The following ELL variants were observed in gnomAD, a reference collection of about 807,000 sequenced individuals.
The protein encoded by ELL is RNA polymerase II elongation factor ELL.
A neutral mutation model predicts 64.0 loss-of-function variants in ELL; 18 were observed. The ratio of observed to expected loss-of-function variants is 0.28; its 90% CI spans 0.19 to 0.42. The LOEUF is 0.42. ELL is among the 10% of genes least tolerant of loss of function. The pLI is 1.00. For missense variants in ELL, 797 were observed against 870.4 expected (o/e 0.92, Z 1.06); for synonymous variants, 399 against 376.2 (o/e 1.06, Z -0.70).
At chr19:18,463,325 CTTTTTTTTTTTTTT>C (rs34610795) in intron 4 of ELL, among the ~76,000 whole-genome samples, 23 of 73,272 alleles carry the variant, frequency 3.1e-4, no homozygotes, top group African/African-American at 1.8e-3. Context: ...ACATTCACAT[CTTTTTTTTTTTTTT>C]TTTTTTTTTT....
At chr19:18,483,495 C>T (rs1975348897) in intron 1 of ELL, among the ~76,000 whole-genome samples, 1 of 152,168 alleles carries the variant, frequency 6.6e-6, no homozygotes, top group South Asian at 2.1e-4. Context: ...CACGCAAGGA[C>T]TCGTGGTACC....
intron 1 of ELL, among the ~76,000 whole-genome samples, chr19:18,482,026 A>G (rs1228353018): frequency 2.0e-5 from 3 of 152,164 alleles, no homozygotes; most frequent in African/African-American, 7.2e-5. Context: ...TAGTGCTGTC[A>G]GCTTATTTAA....
chr19:18,477,519 G>T lies in ELL; in HGVS notation c.136-4637C>A, dbSNP rs921559727. Among the ~76,000 whole-genome samples, 5 of 152,248 alleles carry T rather than the reference G, an allele frequency of 3.3e-5. No individual in the cohort carries two copies. The East Asian group carries it at 9.7e-4, about 29-fold the overall frequency. ...AGCAGGAAAACTACCAGGTCGTGGC[G>T]CATCATGAGCAAATCAGCACAGCCA... On this transcript the variant is annotated intron_variant, in intron 1 of 11. Transcript: ENST00000262809.
intron 4 of ELL, among the ~76,000 whole-genome samples, chr19:18,463,047 G>A (rs1229542578): frequency 2.6e-5 from 4 of 152,156 alleles, no homozygotes; most frequent in Non-Finnish European, 5.9e-5. Flanking sequence ...TTGGGAACAG[G>A]GTCGGCCGAG....
chr19:18,461,482 G>T lies in ELL; in HGVS notation c.744+96C>A, dbSNP rs73923117. ...CCCCAGGAAGGGCTCTTCCTTGCCA[G>T]TCCCAATCCCAGTCTCCATGCTCTG... On this transcript the variant is annotated intron_variant, in intron 5 of 11. Transcript: ENST00000262809. The T allele has an allele frequency of 3.3e-3, 4,933 of 1,517,194 alleles. 134 individuals are homozygous for T. In the African/African-American group the frequency reaches 0.06, roughly 18 times the overall value. 94.0% of individuals were successfully genotyped at this position (1,517,194 alleles called of 1,614,324 possible). A position where few individuals can be genotyped will look rare whatever the true frequency, so the allele number is the denominator to read the frequency against.
At chr19:18,488,531 CT>C (rs1975463061) in intron 1 of ELL, among the ~76,000 whole-genome samples, 1 of 152,212 alleles carries the variant, frequency 6.6e-6, no homozygotes, top group Non-Finnish European at 1.5e-5. Context: ...TAGGGAGGGG[CT>C]GCATGCTCCC....
At chr19:18,455,385 G>GGA (rs1974644017) in intron 6 of ELL, among the ~76,000 whole-genome samples, 1 of 151,328 alleles carries the variant, frequency 6.6e-6, no homozygotes, top group South Asian at 2.1e-4. Flanking sequence ...CAGCTACTCG[G>GGA]GAAGCTGAGG....
intron 1 of ELL, among the ~76,000 whole-genome samples, chr19:18,515,706 G>C (rs1004006760): frequency 3.3e-5 from 5 of 152,198 alleles, no homozygotes; most frequent in Admixed American, 6.5e-5. Context: ...ACCAAGGTTC[G>C]GGCCTCTTGG....
At chr19:18,516,956 C>A (rs1056899297) in intron 1 of ELL, among the ~76,000 whole-genome samples, 9 of 152,244 alleles carry the variant, frequency 5.9e-5, no homozygotes, top group African/African-American at 1.9e-4. Flanking sequence ...CCTCCTGAAG[C>A]ACTTCCTGGG....
intron 1 of ELL, among the ~76,000 whole-genome samples, chr19:18,508,066 A>G (rs1462032320): frequency 1.3e-5 from 2 of 152,230 alleles, no homozygotes; most frequent in African/African-American, 4.8e-5. Flanking sequence ...AGGCTATGTC[A>G]GGATTGATGC....
Position 18,445,368 on chromosome 19 carries a change from G to T in ELL, c.1705-100C>A. On this transcript the variant is annotated intron_variant, in intron 10 of 11. Coordinates refer to ENST00000262809, the MANE Select transcript of ELL (RefSeq NM_006532.4). ...GTGCTCTGAGAAGGGGGCATGGGAG[G>T]GTGGGGCAGCCTCAAGGACAAGGCC... 2.6e-6 allele frequency: 3 copies of T among 1,162,682 alleles called. No homozygotes were observed. In the Admixed American group the frequency reaches 5.1e-5, roughly 20 times the overall value. The allele number at this position is 1,162,682 out of a possible 1,614,324, so 72.0% of individuals were successfully genotyped here. A position where few individuals can be genotyped will look rare whatever the true frequency, so the allele number is the denominator to read the frequency against.
intron 1 of ELL, among the ~76,000 whole-genome samples, chr19:18,474,667 T>G (rs1975139659): frequency 6.6e-6 from 1 of 152,236 alleles, no homozygotes. Context: ...CAAGGGCCAC[T>G]GTGCTACTGC....
At position 18,465,912 on chromosome 19, in the gene ELL, A is replaced by G; in HGVS notation, c.190T>C (p.Ser64Pro). 7.6e-7 allele frequency: 1 copy of G among 1,317,678 alleles called. No homozygotes were observed. The highest frequency in any genetic ancestry group is 9.7e-7 in the Non-Finnish European group (1 of 1,025,816). The allele number at this position is 1,317,678 out of a possible 1,614,324, so 81.6% of individuals were successfully genotyped here. The change falls in exon 3 of 12, where the codon TCC becomes CCC. Residue 64 changes from serine to proline, a missense_variant. By Grantham distance (74) the Ser-to-Pro change is moderately conservative (BLOSUM62 -1). Transcript: ENST00000262809. ...GCGGGGCAGTCAGGCTGGGGGATGG[A>G]GATGTGCTGCGTGGAGGGGGAGGGG... Reference protein sequence around the residue: ...IRFQGSQGHISIPQPDCPAEA... With the variant: ...IRFQGSQGHIPIPQPDCPAEA...
chr19:18,475,307 C>T (rs994263759), intron 1 of ELL, among the ~76,000 whole-genome samples: 3 of 152,088 alleles, frequency 2.0e-5, no homozygotes, highest in African/African-American at 7.2e-5. Flanking sequence ...CATAACCACA[C>T]TGAGATAGCT....
intron 2 of ELL, chr19:18,471,080 GAAA>G: frequency 2.9e-6 from 1 of 339,164 alleles, no homozygotes; most frequent in Admixed American, 3.6e-5. Flanking sequence ...AACTCTAAAA[GAAA>G]AAAAAAAAGT....
chr19:18,522,035 A>G lies in ELL; in HGVS notation c.21T>C (p.Asp7=), dbSNP rs745894329. 8 of 1,605,562 alleles carry G rather than the reference A, an allele frequency of 5.0e-6. No homozygotes were observed. The highest frequency in any genetic ancestry group is 4.6e-5 in the East Asian group (2 of 43,814). ...GCCCGCACGACAGCCCGTAGCTCCTATCCTCCTTCAGCGCCGCCATCTTGC... is the reference window on the plus strand; with the variant it reads ...GCCCGCACGACAGCCCGTAGCTCCTGTCCTCCTTCAGCGCCGCCATCTTGC... MAALKE[D]RSYGLSCGRV... Residue 7 remains aspartate (D), a synonymous_variant, in exon 1 of 12, where the codon GAT becomes GAC. Transcript: ENST00000262809.
chr19:18,492,580 G>A (rs1237536786), intron 1 of ELL, among the ~76,000 whole-genome samples: 1 of 152,216 alleles, frequency 6.6e-6, no homozygotes, highest in Non-Finnish European at 1.5e-5. Context: ...CATTATTAAT[G>A]TGTTAAAAGA....
intron 1 of ELL, among the ~76,000 whole-genome samples, chr19:18,500,938 G>A (rs1975767997): frequency 6.6e-6 from 1 of 152,020 alleles, no homozygotes; most frequent in African/African-American, 2.4e-5. Context: ...AACACATGGC[G>A]GCTGCTCGCC....
At chr19:18,506,650 G>C (rs756423739) in intron 1 of ELL, among the ~76,000 whole-genome samples, 3 of 152,164 alleles carry the variant, frequency 2.0e-5, no homozygotes, top group Non-Finnish European at 4.4e-5. Context: ...ACTTGAGCCC[G>C]GGAGCCAAGG....
Sources: gnomAD v4.1 joint callset for allele counts (sites outside exome capture counted in the v4.1 genomes callset) on GRCh38, gnomAD v4.1.1 for gene constraint, MANE v1.5 for transcripts, NCBI Gene and HGNC (gene_info 2026-07-23, HGNC 2026-07-21) for gene names.